The following MICAL3 variants were observed in gnomAD, a reference collection of about 807,000 sequenced individuals.
MICAL3 encodes [F-actin]-monooxygenase MICAL3.
Under a neutral mutation model 207.4 loss-of-function variants are expected in MICAL3, and 62 were observed. The ratio of observed to expected loss-of-function variants is 0.30; its 90% CI spans 0.24 to 0.37. The LOEUF (loss-of-function observed/expected upper bound fraction) is 0.37. MICAL3 is among the 10% of genes least tolerant of loss of function. MICAL3 has a pLI of 1.00. For missense variants in MICAL3, 2,368 were observed against 2,635.6 expected, an observed-to-expected ratio of 0.90 and a Z score of 2.22; for synonymous variants, 1,077 against 1,069.3, an observed-to-expected ratio of 1.01 and a Z score of -0.14.
intron 9 of MICAL3, 23 bp from the exon 10 acceptor site, chr22:17,895,433 T>G (rs760771216): frequency 1.2e-6 from 2 of 1,612,428 alleles, no homozygotes; most frequent in Non-Finnish European, 1.7e-6. Flanking sequence ...AACAATATAC[T>G]CAGAATCGGG....
Position 17,816,624 on chromosome 22 carries a change from C to G in MICAL3, c.5445+66G>C, listed in dbSNP as rs965223648. On this transcript the variant is annotated intron_variant, in intron 27 of 31. Coordinates refer to ENST00000441493, the MANE Select transcript of MICAL3 (RefSeq NM_015241.3). Reference sequence around the variant, plus strand: ...GGTTTGCTCTCCCTCTCCTCTACCCCACCAAAGCCCAACAATGAACAGACA... The same window carrying G: ...GGTTTGCTCTCCCTCTCCTCTACCCGACCAAAGCCCAACAATGAACAGACA... 6.1e-6 allele frequency: 8 copies of G among 1,306,892 alleles called. No homozygotes were observed. In the Admixed American group the frequency reaches 1.2e-4, roughly 19 times the overall value. The allele number at this position is 1,306,892 out of a possible 1,614,324, so 81.0% of individuals were successfully genotyped here. A position where few individuals can be genotyped will look rare whatever the true frequency, so the allele number is the denominator to read the frequency against.
intron 29 of MICAL3, among the ~76,000 whole-genome samples, chr22:17,801,078 C>T (rs912105589): frequency 2.0e-5 from 3 of 151,976 alleles, no homozygotes; most frequent in East Asian, 1.9e-4. Context: ...GATGAGCCCA[C>T]CTTCAAAGGG....
At position 17,887,223 on chromosome 22, in the gene MICAL3, C is replaced by G; in HGVS notation, c.2014G>C (p.Glu672Gln). The G allele has an allele frequency of 2.5e-6, 4 of 1,613,628 alleles. No individual in the cohort carries two copies. The highest frequency in any genetic ancestry group is 3.4e-6 in the Non-Finnish European group (4 of 1,179,746). Residue 672 changes from glutamate (E) to glutamine (Q), a missense_variant, in exon 15 of 32, where the codon GAA becomes CAA. Transcript: ENST00000441493. ...SRKRSPKDKK[E>Q]KDLDGAGKRR... ...TTCCCAGCACCATCCAAGTCCTTTT[C>G]CTTTTTATCCTGTACCAAGGGAGGA... is the stretch of plus-strand genomic sequence containing the variant.
At chr22:17,834,606 G>A in intron 20 of MICAL3, 1 of 1,116,932 alleles carries the variant, frequency 9.0e-7, no homozygotes, top group Non-Finnish European at 1.1e-6. Flanking sequence ...TTATTCTCAA[G>A]GGGAGGAAAG....
chr22:17,980,127 C>T (rs185845916), intron 1 of MICAL3, among the ~76,000 whole-genome samples: 179 of 152,310 alleles, frequency 1.2e-3, no homozygotes, highest in Non-Finnish European at 2.1e-3. Flanking sequence ...CCGCACCTGG[C>T]CCCCAGCAAG....
intron 8 of MICAL3, 22 bp downstream of exon 8, chr22:17,896,702 T>A (rs554991152): frequency 6.2e-7 from 1 of 1,609,614 alleles, no homozygotes; most frequent in South Asian, 1.1e-5. Flanking sequence ...TACCACAGAG[T>A]GCTGCCATGC....
intron 2 of MICAL3, among the ~76,000 whole-genome samples, chr22:17,905,301 C>A (rs553387062): frequency 6.6e-6 from 1 of 152,306 alleles, no homozygotes; most frequent in African/African-American, 2.4e-5. Flanking sequence ...CTACCACACA[C>A]ATGATTCCCG....
intron 1 of MICAL3, among the ~76,000 whole-genome samples, chr22:17,964,307 C>A (rs1935050141): frequency 6.6e-6 from 1 of 152,246 alleles, no homozygotes; most frequent in Admixed American, 6.5e-5. Context: ...CCTCTCCTCA[C>A]ATTCTTACCT....
At chr22:17,972,071 G>T (rs936442141) in intron 1 of MICAL3, among the ~76,000 whole-genome samples, 1 of 152,208 alleles carries the variant, frequency 6.6e-6, no homozygotes, top group Non-Finnish European at 1.5e-5. Flanking sequence ...CCCAAGCCCA[G>T]TGCGCTCCTC....
rs993576454 is a variant in MICAL3 at position 17,850,404 on chromosome 22, T to G, written c.2606-8387A>C. On this transcript the variant is annotated intron_variant, in intron 19 of 31. Coordinates refer to ENST00000441493, the MANE Select transcript of MICAL3 (RefSeq NM_015241.3). Reference sequence around the variant, plus strand: ...GGAACTTTTGCTTTTGAATTAGTTTTTTTTTTTTTTTTTTTTTTTTTTTTG... The same window carrying G: ...GGAACTTTTGCTTTTGAATTAGTTTGTTTTTTTTTTTTTTTTTTTTTTTTG... Among the ~76,000 whole-genome samples the G allele has an allele frequency of 2.6e-5, 3 of 114,648 alleles. No homozygotes were observed. In the East Asian group the frequency reaches 6.9e-4, roughly 26 times the overall value. The allele number at this position is 114,648 out of a possible 152,430, so 75.2% of individuals were successfully genotyped here. A position where few individuals can be genotyped will look rare whatever the true frequency, so the allele number is the denominator to read the frequency against.
chr22:17,819,968 A>T, intron 25 of MICAL3, among the ~76,000 whole-genome samples: 1 of 139,202 alleles, frequency 7.2e-6, no homozygotes, highest in South Asian at 2.3e-4. Flanking sequence ...AAAAAAAAAA[A>T]AATCCAATCA....
At chr22:17,875,231 T>C in intron 16 of MICAL3, 1 of 338,114 alleles carries the variant, frequency 3.0e-6, no homozygotes, top group Non-Finnish European at 5.3e-6. Context: ...CAGATACAGT[T>C]GGATGAAAGC....
intron 1 of MICAL3, among the ~76,000 whole-genome samples, chr22:17,907,371 T>C (rs932378069): frequency 1.3e-5 from 2 of 152,100 alleles, no homozygotes; most frequent in African/African-American, 4.8e-5. Context: ...CAAGGATAAC[T>C]CCCAGGTTTC....
At chr22:18,007,682 T>C (rs1923474014) in intron 1 of MICAL3, among the ~76,000 whole-genome samples, 1 of 149,638 alleles carries the variant, frequency 6.7e-6, no homozygotes, top group African/African-American at 2.5e-5. Flanking sequence ...GGCCGGGTGC[T>C]GTGGCTCACG....
Position 17,906,751 on chromosome 22 carries a change from T to C in MICAL3, c.62A>G (p.Gln21Arg). ...PAHVLFDRFVQATTCKGTLKA... is the reference protein window; with the variant it reads ...PAHVLFDRFVRATTCKGTLKA... The stretch of plus-strand genomic sequence containing the variant: ...GAGGGTTCCCTTGCAGGTGGTGGCC[T>C]GGACAAACCGGTCAAAGAGGACATG... Residue 21 changes from glutamine to arginine, a missense_variant, in exon 2 of 32, where the codon CAG becomes CGG. By Grantham distance (43) the Gln-to-Arg change is conservative. Transcript: ENST00000441493. 1.9e-6 allele frequency: 3 copies of C among 1,613,826 alleles called. No individual in the cohort carries two copies. The highest frequency in any genetic ancestry group is 2.5e-6 in the Non-Finnish European group (3 of 1,179,826).
intron 21 of MICAL3, among the ~76,000 whole-genome samples, chr22:17,828,074 G>T (rs1284438091): frequency 6.6e-6 from 1 of 152,150 alleles, no homozygotes. Context: ...CCTTTCTGAG[G>T]CTCCTTTCAT....
chr22:18,017,972 G>A (rs529454900), intron 1 of MICAL3, among the ~76,000 whole-genome samples: 4 of 151,662 alleles, frequency 2.6e-5, no homozygotes, highest in African/African-American at 4.8e-5. Context: ...GGATGGTCTC[G>A]ATCTCCTGAC....
chr22:17,930,351 T>C (rs186959257), intron 1 of MICAL3, among the ~76,000 whole-genome samples: 4 of 152,238 alleles, frequency 2.6e-5, no homozygotes, highest in Admixed American at 6.5e-5. Flanking sequence ...AAAAGACAAG[T>C]AAAAGAATGC....
At chr22:17,976,535 A>ATGTG (rs148517944) in intron 1 of MICAL3, among the ~76,000 whole-genome samples, 74 of 97,060 alleles carry the variant, frequency 7.6e-4, no homozygotes, top group Admixed American at 1.7e-3. Context: ...GTGTATATAT[A>ATGTG]TGTGTGTGTG....
Sources: gnomAD v4.1 joint callset for allele counts (sites outside exome capture counted in the v4.1 genomes callset) on GRCh38, gnomAD v4.1.1 for gene constraint, MANE v1.5 for transcripts, NCBI Gene and HGNC (gene_info 2026-07-23, HGNC 2026-07-21) for gene names.